The following DUOX2 variants were observed in gnomAD, a reference collection of about 807,000 sequenced individuals.
The protein encoded by DUOX2 is NADH/NADPH thyroid oxidase p138-tox.
In DUOX2, 185 loss-of-function variants were observed where a neutral mutation model predicts 183.3. The observed-to-expected ratio is 1.01, with a 90% CI of 0.90 to 1.14. The LOEUF is 1.14. Ranked by LOEUF, DUOX2 falls within the 50% of genes most tolerant of loss-of-function variation. The pLI is 0.00. For synonymous variants in DUOX2, 788 were observed against 812.4 expected, an observed-to-expected ratio of 0.97 and a Z score of 0.51; for missense variants, 1,999 against 2,022.9, an observed-to-expected ratio of 0.99 and a Z score of 0.23.
In DUOX2 at chr15:45,113,343, C is replaced by A. The variant is rs1894503852; in HGVS notation, c.69G>T (p.Ser23=). 1.3e-6 allele frequency: 2 copies of A among 1,560,550 alleles called. No homozygotes were observed. Among genetic ancestry groups the A allele is most frequent in the Non-Finnish European group, 1.7e-6 (2 of 1,151,344 alleles). ...CCGCTAGAGGAGCCTGATACTTGCC[C>A]GATGGACCCAGGGATCCAGTCAGAA... ...GALLTGSLGP[S]GSQDALSLPW... The change falls in exon 2 of 34, where the codon TCG becomes TCT. Residue 23 remains serine, a splice_region_variant and synonymous_variant. Transcript: ENST00000389039.
intron 20 of DUOX2, among the ~76,000 whole-genome samples, chr15:45,102,413 C>G (rs1183816097): frequency 6.6e-6 from 1 of 152,188 alleles, no homozygotes; most frequent in Non-Finnish European, 1.5e-5. Flanking sequence ...GGGGAACTAG[C>G]TGCAATGCTG....
Position 45,097,732 on chromosome 15 carries a change from C to T in DUOX2, c.3575G>A (p.Gly1192Asp). 1 of 1,614,234 alleles carries T rather than the reference C, an allele frequency of 6.2e-7. No individual in the cohort carries two copies. The highest frequency in any genetic ancestry group is 1.3e-5 in the African/African-American group (1 of 75,050). The change falls in exon 28 of 34, where the codon GGT (glycine) becomes GAT (aspartate). Residue 1192 changes from glycine to aspartate, a missense_variant. By Grantham distance (94) the Gly-to-Asp change is moderately conservative. Coordinates refer to ENST00000389039, the MANE Select transcript of DUOX2 (RefSeq NM_001363711.2). ...GGCCAGGACCAGGAGCAGAAGCACACCTGTCATACCTGGGGGCAGGAAGAC... is the reference window on the plus strand; with the variant it reads ...GGCCAGGACCAGGAGCAGAAGCACATCTGTCATACCTGGGGGCAGGAAGAC... ...WFFQTVPGMT[G>D]VLLLLVLAIM...
At position 45,107,405 on chromosome 15, in the gene DUOX2, C is replaced by T. The variant is rs762219531; in HGVS notation, c.1633G>A (p.Val545Ile). Residue 545 changes from valine (V) to isoleucine (I), a missense_variant, in exon 14 of 34, where the codon GTC becomes ATC. Physicochemically the swap from Val to Ile is conservative, Grantham distance 29. Transcript: ENST00000389039. The stretch of plus-strand genomic sequence containing the variant: ...CTGGGGTCAATGTTGATAACAGCGA[C>T]CAGCACGTCCCGCAGGGTGGTATTT... The part of the protein sequence containing the change: ...IRNTTLRDVL[V>I]AVINIDPSAL... 6 of 1,614,098 alleles carry T rather than the reference C, an allele frequency of 3.7e-6. No homozygotes were observed. In the African/African-American group the frequency reaches 8.0e-5, roughly 22 times the overall value.
In DUOX2 at chr15:45,107,909, G is replaced by C. The variant is rs573577942; in HGVS notation, c.1574+138C>G. On this transcript the variant is annotated intron_variant, in intron 13 of 33. Transcript: ENST00000389039. ...AGAAAAAGAGAAGAGAAGAAAAAAA[G>C]AGAGACCCAGAGGGGTTGGGAAGGG... 5.8e-5 allele frequency: 35 copies of C among 601,252 alleles called. No homozygotes were observed. The African/African-American group carries it at 7.1e-4, about 12-fold the overall frequency. The allele number at this position is 601,252 out of a possible 1,614,324, so 37.2% of individuals were successfully genotyped here.
At position 45,093,039 on chromosome 15, in the gene DUOX2, T is replaced by A. The variant is rs1200078867; in HGVS notation, c.*1111A>T. On this transcript the variant is annotated 3_prime_UTR_variant, in exon 34 of 34. Coordinates refer to ENST00000389039, the MANE Select transcript of DUOX2 (RefSeq NM_001363711.2). ...AAAACATGTACATGATTATTTATTA[T>A]ACCTCGATGTAAAATATTTTACAGC... 4 of 152,200 alleles carry A rather than the reference T, an allele frequency of 2.6e-5. No individual in the cohort carries two copies. The highest frequency in any genetic ancestry group is 9.7e-5 in the African/African-American group (4 of 41,438). 9.4% of individuals were successfully genotyped at this position (152,200 alleles called of 1,614,324 possible).
At chr15:45,100,674 C>T in intron 23 of DUOX2, 81 bp downstream of exon 23, 1 of 1,171,020 alleles carries the variant, frequency 8.5e-7, no homozygotes, top group South Asian at 1.2e-5. Flanking sequence ...GCTTATATGT[C>T]AAGGATATGT....
chr15:45,095,564 T>C lies in DUOX2; in HGVS notation c.4112A>G (p.His1371Arg), dbSNP rs1893879104. 1 of 1,614,076 alleles carries C rather than the reference T, an allele frequency of 6.2e-7. No homozygotes were observed. The highest frequency in any genetic ancestry group is 1.3e-5 in the African/African-American group (1 of 74,930). The part of the protein sequence containing the change: ...LYLDGPFGEG[H>R]QEWHKFEVSV... ...CACCTCAAATTTATGCCACTCCTGA[T>C]GGCCCTCTCCAAACGGTCCATCAAG... The change falls in exon 31 of 34, where the codon CAT becomes CGT. Residue 1371 changes from histidine to arginine, a missense_variant. His to Arg is a conservative substitution (Grantham distance 29). Transcript: ENST00000389039.
chr15:45,112,957 C>G (rs1422671665), intron 3 of DUOX2, 30 bp downstream of exon 3: 4 of 1,610,574 alleles, frequency 2.5e-6, no homozygotes, highest in Non-Finnish European at 2.5e-6. Context: ...CGAGCCACGG[C>G]CCCAGCACGC....
Position 45,099,438 on chromosome 15 carries a change from C to T in DUOX2, c.3460G>A (p.Val1154Ile), listed in dbSNP as rs533512371. ...GHAVNVYIFS[V>I]SPLSLLACIF... is the part of the protein sequence containing the mutation. ...CAGGCCAGCAGGCTGAGTGGGCTGA[C>T]TGAGAAGATGTAGACATTGACTGCG... is the stretch of plus-strand genomic sequence containing the variant. Residue 1154 changes from valine to isoleucine, a missense_variant, in exon 26 of 34, where the codon GTC (valine) becomes ATC (isoleucine). By Grantham distance (29) the Val-to-Ile change is conservative. Around this residue, in one of 3 missense-constraint regions of DUOX2, gnomAD observed 1,628 missense variants for 1,608.6 expected, o/e 1.01. Coordinates refer to ENST00000389039, the MANE Select transcript of DUOX2 (RefSeq NM_001363711.2). 2.5e-6 allele frequency: 4 copies of T among 1,614,072 alleles called. No homozygotes were observed. In the Admixed American group the frequency reaches 6.7e-5, roughly 27 times the overall value.
intron 23 of DUOX2, 76 bp from the exon 24 acceptor site, chr15:45,100,304 G>T: frequency 1.4e-6 from 2 of 1,445,192 alleles, no homozygotes; most frequent in Non-Finnish European, 9.5e-7. Context: ...CATGAAAGGT[G>T]ACCTGGGGAT....
At position 45,099,871 on chromosome 15, in the gene DUOX2, G is replaced by C. The variant is rs146766319; in HGVS notation, c.3206C>G (p.Pro1069Arg). 6.2e-6 allele frequency: 10 copies of C among 1,614,092 alleles called. No homozygotes were observed. In the African/African-American group the frequency reaches 1.3e-4, roughly 22 times the overall value. ...RAYYYGFASP[P>R]SDIAQTTLVG... ...GAGGGTGGTCTGTGCAATGTCCGAG[G>C]GTGGCGAGGCAAAGCCATAGTCTGG... Residue 1069 changes from proline (P) to arginine (R), a missense_variant, in exon 25 of 34, where the codon CCC becomes CGC. Pro to Arg is a moderately radical substitution (Grantham distance 103). Coordinates refer to ENST00000389039, the MANE Select transcript of DUOX2 (RefSeq NM_001363711.2).
Position 45,107,243 on chromosome 15 carries a change from G to A in DUOX2, c.1693+102C>T, listed in dbSNP as rs866514675. 3.0e-4 allele frequency: 439 copies of A among 1,466,724 alleles called. 5 individuals are homozygous for A. The Middle Eastern group carries it at 4.0e-3, about 13-fold the overall frequency. 90.9% of individuals were successfully genotyped at this position (1,466,724 alleles called of 1,614,324 possible). ...GCAGGCCTCCTAGCCCAACACAGAA[G>A]GTGCCTGGCTCCCTGGACAGCACCA... On this transcript the variant is annotated intron_variant, in intron 14 of 33. Transcript: ENST00000389039.
In DUOX2 at chr15:45,099,772, C is replaced by G. The variant is rs762974325; in HGVS notation, c.3305G>C (p.Cys1102Ser). 6.2e-7 allele frequency: 1 copy of G among 1,614,176 alleles called. No homozygotes were observed. Among genetic ancestry groups the G allele is most frequent in the Non-Finnish European group, 8.5e-7 (1 of 1,180,040 alleles). ...TCGCAGGAAGGTTATGAGGTTGCGGCACATGGTGAGCAAGATATAAGAGAA... is the reference window on the plus strand; with the variant it reads ...TCGCAGGAAGGTTATGAGGTTGCGGGACATGGTGAGCAAGATATAAGAGAA... Reference protein sequence around the residue: ...FMFSYILLTMCRNLITFLRET... With the variant: ...FMFSYILLTMSRNLITFLRET... Residue 1102 changes from cysteine to serine, a missense_variant, in exon 25 of 34, where the codon TGC becomes TCC. This residue lies in a region of DUOX2 where 1,628 missense variants were observed against 1,608.6 expected (regional missense o/e 1.01). Coordinates refer to ENST00000389039, the MANE Select transcript of DUOX2 (RefSeq NM_001363711.2).
intron 11 of DUOX2, 136 bp downstream of exon 11, chr15:45,109,388 C>T: frequency 8.4e-6 from 6 of 713,646 alleles, no homozygotes; most frequent in Admixed American, 2.5e-5. Context: ...TCATTTTCTT[C>T]TTATGGCTCC....
Position 45,111,423 on chromosome 15 carries a change from C to G in DUOX2, c.676G>C (p.Asp226His), listed in dbSNP as rs1431182154. Residue 226 changes from aspartate (D) to histidine (H), a missense_variant, in exon 6 of 34, where the codon GAC becomes CAC. Coordinates refer to ENST00000389039, the MANE Select transcript of DUOX2 (RefSeq NM_001363711.2). ...QNPLLMWAAPDPATGQNGPRG... is the reference protein window; with the variant it reads ...QNPLLMWAAPHPATGQNGPRG... The stretch of plus-strand genomic sequence containing the variant: ...GGCCCGTTCTGCCCGGTGGCGGGGT[C>G]GGGCGCCGCCCACATGAGCAGGGGG... The G allele has an allele frequency of 4.0e-6, 6 of 1,506,526 alleles. No individual in the cohort carries two copies. The highest frequency in any genetic ancestry group is 5.3e-6 in the Non-Finnish European group (6 of 1,128,734). 93.3% of individuals were successfully genotyped at this position (1,506,526 alleles called of 1,614,324 possible).
chr15:45,108,296 G>A lies in DUOX2; in HGVS notation c.1399-74C>T, dbSNP rs1894282881. ...GCAGCCACTGTTGCCCCATCCCTCG[G>A]GCACAGAACCTCAGCCGCTGCCTGG... On this transcript the variant is annotated intron_variant, in intron 12 of 33. Transcript: ENST00000389039. The A allele has an allele frequency of 4.5e-6, 7 of 1,565,972 alleles. No individual in the cohort carries two copies. The South Asian group carries it at 7.8e-5, about 17-fold the overall frequency.
intron 1 of DUOX2, among the ~76,000 whole-genome samples, chr15:45,113,744 C>A (rs758655504): frequency 1.8e-4 from 28 of 152,172 alleles, no homozygotes; most frequent in Non-Finnish European, 3.8e-4. Flanking sequence ...TCAAGCCTCC[C>A]AGGGTGTGCC....
At chr15:45,109,709 C>A (rs1317278601) in intron 10 of DUOX2, 83 bp from the exon 11 acceptor site, 1 of 1,462,622 alleles carries the variant, frequency 6.8e-7, no homozygotes, top group Non-Finnish European at 9.6e-7. Context: ...TACCCCAGGA[C>A]AAAGGGCCCT....
In DUOX2 at chr15:45,111,000, G is replaced by T. The variant is rs1003930655; in HGVS notation, c.882+111C>A. The T allele has an allele frequency of 1.9e-5, 27 of 1,412,260 alleles. 2 individuals carry two copies. The African/African-American group carries it at 3.1e-4, about 16-fold the overall frequency. The allele number at this position is 1,412,260 out of a possible 1,614,324, so 87.5% of individuals were successfully genotyped here. A position where few individuals can be genotyped will look rare whatever the true frequency, so the allele number is the denominator to read the frequency against. On this transcript the variant is annotated intron_variant, in intron 7 of 33. Coordinates refer to ENST00000389039, the MANE Select transcript of DUOX2 (RefSeq NM_001363711.2). Reference sequence around the variant, plus strand: ...CTTCCCTAGACCTCGGCTGTCTGGGGAGGGGTTTCTGGGTGGCGGTTGTCC... The same window carrying T: ...CTTCCCTAGACCTCGGCTGTCTGGGTAGGGGTTTCTGGGTGGCGGTTGTCC...
Sources: allele counts gnomAD v4.1 joint callset (sites outside exome capture counted in the v4.1 genomes callset), GRCh38; gene constraint gnomAD v4.1.1; regional missense constraint gnomAD v4.1.1; transcripts MANE v1.5; gene names NCBI Gene and HGNC (gene_info 2026-07-23, HGNC 2026-07-21).